Variants in GPC6 observed in about 807,000 individuals in gnomAD.
GPC6 encodes the protein glypican-6.
Under a neutral mutation model 55.2 loss-of-function variants are expected in GPC6, and 14 were observed. The ratio of observed to expected loss-of-function variants is 0.25; its 90% CI spans 0.17 to 0.40. The LOEUF (loss-of-function observed/expected upper bound fraction) is 0.40, where lower values mean the gene tolerates loss of function less well. GPC6 is among the 10% of genes least tolerant of loss of function. The probability of loss-of-function intolerance (pLI) is 1.00; values close to 1 mark genes in which losing one functional copy is unlikely to be tolerated. For synonymous variants in GPC6, 278 were observed against 259.6 expected, an observed-to-expected ratio of 1.07 and a Z score of -0.68; for missense variants, 641 against 708.5, an observed-to-expected ratio of 0.90 and a Z score of 1.08.
At chr13:93,388,804 C>T (rs1875503519) in intron 1 of GPC6, among the ~76,000 whole-genome samples, 1 of 152,118 alleles carries the variant, frequency 6.6e-6, no homozygotes, top group African/African-American at 2.4e-5. Context: ...ATGTAAGCTC[C>T]CTCAGGCCAA....
intron 3 of GPC6, among the ~76,000 whole-genome samples, chr13:93,976,609 G>A (rs1385918222): frequency 2.7e-5 from 4 of 150,886 alleles, no homozygotes; most frequent in Admixed American, 6.6e-5. Flanking sequence ...CTGGGACAAC[G>A]TAGCAGACAA....
intron 1 of GPC6, among the ~76,000 whole-genome samples, chr13:93,401,612 G>C (rs1470616389): frequency 6.6e-6 from 1 of 150,824 alleles, no homozygotes; most frequent in Non-Finnish European, 1.5e-5. Flanking sequence ...GGGGTTAGAA[G>C]GGTATTGCCA....
In GPC6 at chr13:94,082,264, C is replaced by G. The variant is rs560684129; in HGVS notation, c.877+54370C>G. On this transcript the variant is annotated intron_variant, in intron 4 of 8. Transcript: ENST00000377047. ...ATTCACACTTTACTCTCCAAGCCCT[C>G]TGTGTCTACTCAAAACCACAATTAA... 3.3e-5 allele frequency among the ~76,000 whole-genome samples: 5 copies of G among 152,324 alleles called. No individual in the cohort carries two copies. In the South Asian group the frequency reaches 1.0e-3, roughly 32 times the overall value.
chr13:94,156,376 T>G (rs1887938733), intron 4 of GPC6, among the ~76,000 whole-genome samples: 1 of 152,124 alleles, frequency 6.6e-6, no homozygotes, highest in Non-Finnish European at 1.5e-5. Context: ...GGTATAGATA[T>G]AGATACATAT....
chr13:94,384,786 C>T (rs1258752050), intron 7 of GPC6, among the ~76,000 whole-genome samples: 1 of 152,104 alleles, frequency 6.6e-6, no homozygotes, highest in East Asian at 1.9e-4. Flanking sequence ...TTTTTTATGG[C>T]AATACCCTAC....
intron 3 of GPC6, among the ~76,000 whole-genome samples, chr13:93,991,925 T>G (rs1175431656): frequency 2.0e-5 from 3 of 152,112 alleles, no homozygotes; most frequent in African/African-American, 4.8e-5. Flanking sequence ...TCTCTGTACA[T>G]AAGTCCTAGA....
At chr13:94,146,178 G>T (rs1396317889) in intron 4 of GPC6, among the ~76,000 whole-genome samples, 1 of 152,138 alleles carries the variant, frequency 6.6e-6, no homozygotes, top group Admixed American at 6.5e-5. Flanking sequence ...ATCCTTGAAG[G>T]TGGAGTCTTC....
chr13:93,782,451 T>A (rs1885682641), intron 2 of GPC6, among the ~76,000 whole-genome samples: 1 of 152,208 alleles, frequency 6.6e-6, no homozygotes, highest in South Asian at 2.1e-4. Context: ...ATTTATCCAA[T>A]AGTGGGATTG....
chr13:93,556,113 A>G (rs1178570250), intron 2 of GPC6, among the ~76,000 whole-genome samples: 1 of 152,134 alleles, frequency 6.6e-6, no homozygotes. Flanking sequence ...AGTGAATTAT[A>G]CAATTATACC....
At chr13:93,461,962 G>T (rs1180409204) in intron 1 of GPC6, among the ~76,000 whole-genome samples, 1 of 152,058 alleles carries the variant, frequency 6.6e-6, no homozygotes, top group African/African-American at 2.4e-5. Context: ...AATTTATATG[G>T]TATCACATAA....
At chr13:94,360,883 T>A (rs1157076609) in intron 6 of GPC6, among the ~76,000 whole-genome samples, 1 of 152,170 alleles carries the variant, frequency 6.6e-6, no homozygotes, top group Non-Finnish European at 1.5e-5. Flanking sequence ...CCCTACTACT[T>A]GTGCTATGTG....
chr13:94,133,267 C>CAA lies in GPC6; in HGVS notation c.877+105397_877+105398dup, dbSNP rs66499161. Among the ~76,000 whole-genome samples the CAA allele has an allele frequency of 5.6e-3, 476 of 85,074 alleles. 5 individuals are homozygous for CAA. The highest frequency in any genetic ancestry group is 1.0e-2 in the African/African-American group (200 of 20,056). The allele number at this position is 85,074 out of a possible 152,430, so 55.8% of individuals were successfully genotyped here. ...CCACCATACAGGTACTGACCAGTGA[C>CAA]AAAAAAAAAAAAAAAAAAAAAAAAA... On this transcript the variant is annotated intron_variant, in intron 4 of 8. Coordinates refer to ENST00000377047, the MANE Select transcript of GPC6 (RefSeq NM_005708.5).
At chr13:93,717,880 G>A (rs1883306552) in intron 2 of GPC6, among the ~76,000 whole-genome samples, 1 of 151,650 alleles carries the variant, frequency 6.6e-6, no homozygotes, top group African/African-American at 2.4e-5. Flanking sequence ...CTGTTCCTGT[G>A]TTAGTTGGCT....
intron 3 of GPC6, among the ~76,000 whole-genome samples, chr13:93,873,494 C>G (rs1047406237): frequency 6.6e-6 from 1 of 151,778 alleles, no homozygotes; most frequent in African/African-American, 2.4e-5. Context: ...TATCTGGAAG[C>G]CTTTTTATAT....
intron 2 of GPC6, among the ~76,000 whole-genome samples, chr13:93,587,652 C>T (rs1194793736): frequency 6.6e-6 from 1 of 152,056 alleles, no homozygotes; most frequent in Non-Finnish European, 1.5e-5. Context: ...GGCAAAAATT[C>T]CGTGGAGTCC....
chr13:93,652,578 T>G lies in GPC6; in HGVS notation c.319+107157T>G, dbSNP rs535709065. On this transcript the variant is annotated intron_variant, in intron 2 of 8. Transcript: ENST00000377047. Reference sequence around the variant, plus strand: ...CTTTTGAGTTTTCAACTCTGTCCCCTTCTATCCTGCAATATGCAGTCAAGA... The same window carrying G: ...CTTTTGAGTTTTCAACTCTGTCCCCGTCTATCCTGCAATATGCAGTCAAGA... 1.6e-4 allele frequency among the ~76,000 whole-genome samples: 25 copies of G among 152,304 alleles called. 1 individual carries two copies. The highest frequency in any genetic ancestry group is 5.8e-4 in the African/African-American group (24 of 41,556).
rs956627203 is a variant in GPC6 at position 94,403,094 on chromosome 13, A to G, written c.1545A>G (p.Thr515=). The change falls in exon 9 of 9, where the codon ACA becomes ACG. Residue 515 remains threonine, a synonymous_variant. Transcript: ENST00000377047. ...VCPTEFEFVT[T]EAPAVDPDRR... is the part of the protein sequence containing the mutation. ...CCACGGAGTTTGAGTTTGTCACCAC[A>G]GAGGCCCCCGCAGTGGATCCCGACC... 33 of 1,613,458 alleles carry G rather than the reference A, an allele frequency of 2.0e-5. No homozygotes were observed. Among genetic ancestry groups the G allele is most frequent in the Non-Finnish European group, 2.5e-5 (30 of 1,179,454 alleles).
chr13:93,450,409 A>G (rs1478384788), intron 1 of GPC6, among the ~76,000 whole-genome samples: 1 of 152,124 alleles, frequency 6.6e-6, no homozygotes, highest in African/African-American at 2.4e-5. Context: ...CAGATATTTT[A>G]TGTCAATTTG....
chr13:93,979,217 T>A (rs186789921), intron 3 of GPC6, among the ~76,000 whole-genome samples: 1 of 152,174 alleles, frequency 6.6e-6, no homozygotes, highest in Admixed American at 6.6e-5. Flanking sequence ...CTTTAATATG[T>A]CTAAGTATAA....
Sources: allele counts gnomAD v4.1 joint callset (sites outside exome capture counted in the v4.1 genomes callset), GRCh38; gene constraint gnomAD v4.1.1; transcripts MANE v1.5; gene names NCBI Gene and HGNC (gene_info 2026-07-23, HGNC 2026-07-21).